The following SNW1 variants were observed in gnomAD, a reference collection of about 807,000 sequenced individuals.
SNW1 encodes the protein SNW domain-containing protein 1.
Under a neutral mutation model 75.6 loss-of-function variants are expected in SNW1, and 9 were observed. The ratio of observed to expected loss-of-function variants is 0.12; its 90% CI spans 0.07 to 0.21. The LOEUF is 0.21. Among genes scored for constraint, SNW1 ranks in the 10% least tolerant of loss-of-function variants. SNW1 has a pLI of 1.00. For missense variants in SNW1, 409 were observed against 670.9 expected (o/e 0.61, Z 4.31); for synonymous variants, 200 against 219.1 (o/e 0.91, Z 0.77).
intron 2 of SNW1, among the ~76,000 whole-genome samples, chr14:77,752,417 A>G (rs1489253108): frequency 6.6e-6 from 1 of 152,254 alleles, no homozygotes; most frequent in Non-Finnish European, 1.5e-5. Flanking sequence ...CATGAGGATC[A>G]AGTATAATTT....
intron 11 of SNW1, among the ~76,000 whole-genome samples, chr14:77,721,970 ACTC>A (rs1410453942): frequency 1.3e-5 from 2 of 151,498 alleles, no homozygotes; most frequent in South Asian, 2.1e-4. Flanking sequence ...CTGGTCTTGA[ACTC>A]CTGACCTCAA....
chr14:77,744,940 T>C (rs912472653), intron 3 of SNW1, among the ~76,000 whole-genome samples: 8 of 152,082 alleles, frequency 5.3e-5, no homozygotes, highest in Admixed American at 5.2e-4. Flanking sequence ...TTTGCAGGAG[T>C]GGACTACACT....
intron 7 of SNW1, among the ~76,000 whole-genome samples, chr14:77,735,439 C>T (rs534056234): frequency 2.6e-5 from 4 of 151,874 alleles, no homozygotes; most frequent in South Asian, 2.1e-4. Context: ...GCATGCGCCA[C>T]CATGCCCAGC....
chr14:77,743,131 A>C (rs1431653226), intron 3 of SNW1, among the ~76,000 whole-genome samples: 2 of 151,882 alleles, frequency 1.3e-5, no homozygotes, highest in African/African-American at 2.4e-5. Context: ...AGGCTGAGGC[A>C]GGAGAATCAC....
At chr14:77,751,079 T>A (rs1407894286) in intron 3 of SNW1, among the ~76,000 whole-genome samples, 1 of 152,146 alleles carries the variant, frequency 6.6e-6, no homozygotes, top group Non-Finnish European at 1.5e-5. Context: ...TTTTTCCCCC[T>A]TTAAAACAAG....
intron 3 of SNW1, among the ~76,000 whole-genome samples, chr14:77,747,171 G>A (rs982464388): frequency 6.6e-5 from 10 of 152,112 alleles, no homozygotes; most frequent in Non-Finnish European, 1.3e-4. Context: ...TGCCAGCCTC[G>A]GCCTCCCGAG....
chr14:77,735,904 G>GA, intron 7 of SNW1, 33 bp downstream of exon 7: 1 of 1,576,474 alleles, frequency 6.3e-7, no homozygotes, highest in Non-Finnish European at 8.7e-7. Context: ...ACCATGAGTA[G>GA]AAAAAAATAT....
chr14:77,734,904 C>A (rs1249799328), intron 8 of SNW1, 43 bp downstream of exon 8: 1 of 1,333,780 alleles, frequency 7.5e-7, no homozygotes, highest in South Asian at 1.2e-5. Context: ...TGGTGTTTTC[C>A]AGTAGGTTAT....
chr14:77,736,870 C>A (rs989106810), intron 6 of SNW1, 101 bp downstream of exon 6: 26 of 806,014 alleles, frequency 3.2e-5, no homozygotes, highest in Non-Finnish European at 4.7e-5. Flanking sequence ...TGGAATCATA[C>A]TGTATGTACT....
At chr14:77,746,436 G>T (rs2080761016) in intron 3 of SNW1, among the ~76,000 whole-genome samples, 1 of 152,146 alleles carries the variant, frequency 6.6e-6, no homozygotes, top group African/African-American at 2.4e-5. Context: ...CGTTCACAGA[G>T]AATAAATAGA....
At chr14:77,754,692 T>A (rs891592720) in intron 2 of SNW1, among the ~76,000 whole-genome samples, 11 of 152,196 alleles carry the variant, frequency 7.2e-5, no homozygotes, top group African/African-American at 2.7e-4. Flanking sequence ...TTCCTGAATT[T>A]ATAAAATATT....
chr14:77,749,704 T>C (rs76074767), intron 3 of SNW1, among the ~76,000 whole-genome samples: 9,957 of 152,086 alleles, frequency 0.065, 387 homozygotes, highest in African/African-American at 0.095. Flanking sequence ...GAGTTCAAGG[T>C]TGCAATGAAT....
chr14:77,739,110 GA>G (rs754573827), intron 3 of SNW1, 49 bp from the exon 4 acceptor site: 2 of 1,367,428 alleles, frequency 1.5e-6, no homozygotes, highest in Non-Finnish European at 2.1e-6. Flanking sequence ...ACAACGAAAA[GA>G]AACCTCATTA....
intron 10 of SNW1, among the ~76,000 whole-genome samples, chr14:77,724,654 C>G (rs1443825547): frequency 6.6e-6 from 1 of 152,186 alleles, no homozygotes; most frequent in Non-Finnish European, 1.5e-5. Flanking sequence ...ACCTTCAGTT[C>G]CATCCATATT....
chr14:77,744,090 C>T (rs1358329613), intron 3 of SNW1, among the ~76,000 whole-genome samples: 2 of 148,040 alleles, frequency 1.4e-5, no homozygotes, highest in African/African-American at 2.5e-5. Context: ...GAGCCAAGAT[C>T]GTGCCACTGC....
At chr14:77,735,421 G>T (rs975423418) in intron 7 of SNW1, among the ~76,000 whole-genome samples, 6 of 152,096 alleles carry the variant, frequency 3.9e-5, no homozygotes, top group Non-Finnish European at 8.8e-5. Context: ...AAGTAGCTGG[G>T]ATTATAGGCA....
At chr14:77,747,859 C>T (rs1310818538) in intron 3 of SNW1, among the ~76,000 whole-genome samples, 12 of 147,448 alleles carry the variant, frequency 8.1e-5, no homozygotes, top group Non-Finnish European at 1.7e-4. Flanking sequence ...CCGGCCGCCC[C>T]GTCTGGGAGG....
chr14:77,749,410 G>A (rs1011747012), intron 3 of SNW1, among the ~76,000 whole-genome samples: 1 of 152,158 alleles, frequency 6.6e-6, no homozygotes, highest in Non-Finnish European at 1.5e-5. Flanking sequence ...TGAAAAAAGT[G>A]AAGAAAATTA....
chr14:77,723,532 TA>T (rs1317348492), intron 10 of SNW1, among the ~76,000 whole-genome samples: 2 of 151,818 alleles, frequency 1.3e-5, no homozygotes, highest in Admixed American at 6.6e-5. Flanking sequence ...AAATTTTTTG[TA>T]AAGATGGGGT....
Sources: allele counts gnomAD v4.1 joint callset (sites outside exome capture counted in the v4.1 genomes callset), GRCh38; gene constraint gnomAD v4.1.1; transcripts MANE v1.5; gene names NCBI Gene and HGNC (gene_info 2026-07-23, HGNC 2026-07-21).